Variants in SLCO1B1 observed in about 807,000 individuals in gnomAD.
SLCO1B1 encodes the protein solute carrier organic anion transporter family member 1B1.
Under a neutral mutation model 70.1 loss-of-function variants are expected in SLCO1B1, and 81 were observed. The observed-to-expected ratio is 1.16, with a 90% CI of 0.97 to 1.39. The LOEUF is 1.39. Ranked by LOEUF, SLCO1B1 falls within the 40% of genes most tolerant of loss-of-function variation. The pLI is 0.00. For missense variants in SLCO1B1, 895 were observed against 799.6 expected (o/e 1.12, Z -1.44); for synonymous variants, 283 against 271.5 (o/e 1.04, Z -0.42).
chr12:21,190,364 T>C (rs1280945684), intron 7 of SLCO1B1, among the ~76,000 whole-genome samples: 1 of 152,132 alleles, frequency 6.6e-6, no homozygotes, highest in African/African-American at 2.4e-5. Flanking sequence ...TACTCACTCT[T>C]TGGCAGTCCC....
At chr12:21,168,289 CTTTA>C (rs908735424) in intron 2 of SLCO1B1, among the ~76,000 whole-genome samples, 2 of 152,050 alleles carry the variant, frequency 1.3e-5, no homozygotes, top group African/African-American at 4.8e-5. Flanking sequence ...ACCACATTTT[CTTTA>C]TTCATTCATC....
chr12:21,202,749 T>C lies in SLCO1B1; in HGVS notation c.1331+63T>C. 3.9e-6 allele frequency: 5 copies of C among 1,281,732 alleles called. No individual in the cohort carries two copies. The South Asian group carries it at 5.1e-5, about 13-fold the overall frequency. The allele number at this position is 1,281,732 out of a possible 1,614,324, so 79.4% of individuals were successfully genotyped here. A position where few individuals can be genotyped will look rare whatever the true frequency, so the allele number is the denominator to read the frequency against. On this transcript the variant is annotated intron_variant, in intron 10 of 14. Coordinates refer to ENST00000256958, the MANE Select transcript of SLCO1B1 (RefSeq NM_006446.5). ...AACCATCAAATTAAGAGTCTCTGTA[T>C]AAGTAATATAAGGCAGAAAACAATT... is the stretch of plus-strand genomic sequence containing the variant.
chr12:21,207,597 A>G (rs1416405087), intron 11 of SLCO1B1, among the ~76,000 whole-genome samples: 1 of 152,030 alleles, frequency 6.6e-6, no homozygotes, highest in South Asian at 2.1e-4. Context: ...TGTGATGACC[A>G]TAGAAGTATA....
At chr12:21,158,616 C>A (rs1457134080) in intron 2 of SLCO1B1, among the ~76,000 whole-genome samples, 1 of 152,048 alleles carries the variant, frequency 6.6e-6, no homozygotes, top group Non-Finnish European at 1.5e-5. Context: ...ATCGCTTGAA[C>A]CCAGGAGGCA....
At chr12:21,138,222 A>G (rs1023263290) in intron 1 of SLCO1B1, among the ~76,000 whole-genome samples, 1 of 152,142 alleles carries the variant, frequency 6.6e-6, no homozygotes, top group African/African-American at 2.4e-5. Context: ...CCGGTTTTCT[A>G]TAACCTATTA....
chr12:21,165,516 G>A (rs1054940866), intron 2 of SLCO1B1, among the ~76,000 whole-genome samples: 7 of 151,962 alleles, frequency 4.6e-5, no homozygotes, highest in Non-Finnish European at 8.8e-5. Context: ...AGGTCAAAGG[G>A]ATAAAAAAAT....
intron 11 of SLCO1B1, among the ~76,000 whole-genome samples, chr12:21,215,088 A>G (rs1177954088): frequency 6.6e-6 from 1 of 152,094 alleles, no homozygotes; most frequent in Non-Finnish European, 1.5e-5. Flanking sequence ...TGGCTCCTCC[A>G]ACCAGGGTTT....
intron 1 of SLCO1B1, among the ~76,000 whole-genome samples, chr12:21,137,424 C>G (rs1485547499): frequency 6.6e-6 from 1 of 152,176 alleles, no homozygotes; most frequent in African/African-American, 2.4e-5. Context: ...TGCCCTGCCC[C>G]CAGAGATGGA....
chr12:21,165,638 T>C (rs1264851221), intron 2 of SLCO1B1, among the ~76,000 whole-genome samples: 1 of 151,964 alleles, frequency 6.6e-6, no homozygotes, highest in Admixed American at 6.6e-5. Context: ...TATTTGGGAG[T>C]CTTTGGGAGC....
chr12:21,190,250 G>A (rs1051727337), intron 7 of SLCO1B1, among the ~76,000 whole-genome samples: 4 of 152,206 alleles, frequency 2.6e-5, no homozygotes, highest in African/African-American at 7.2e-5. Flanking sequence ...TTCCCAGTAA[G>A]GGGGAACAAT....
intron 8 of SLCO1B1, among the ~76,000 whole-genome samples, chr12:21,199,341 A>G (rs1040433791): frequency 2.0e-5 from 3 of 152,180 alleles, no homozygotes; most frequent in African/African-American, 7.2e-5. Flanking sequence ...TTTAAGTCCT[A>G]TTACAGCTAG....
chr12:21,214,942 C>T (rs907548708), intron 11 of SLCO1B1, among the ~76,000 whole-genome samples: 2 of 151,980 alleles, frequency 1.3e-5, no homozygotes, highest in Non-Finnish European at 2.9e-5. Flanking sequence ...TGCGCGCACC[C>T]ACTGACCTGC....
rs112491583 is a variant in SLCO1B1, at chr12:21,228,353, G to C, written c.1865+3514G>C. 3.5e-3 allele frequency among the ~76,000 whole-genome samples: 536 copies of C among 152,234 alleles called. 6 individuals are homozygous for C. The highest frequency in any genetic ancestry group is 0.012 in the African/African-American group (492 of 41,530). The stretch of plus-strand genomic sequence containing the variant: ...AATTGACAACTATTTTCTCTTGTCA[G>C]ATTGAAGATATTACTCTATTGTCTT... On this transcript the variant is annotated intron_variant, in intron 14 of 14. Transcript: ENST00000256958.
At chr12:21,212,029 T>G (rs1460313983) in intron 11 of SLCO1B1, among the ~76,000 whole-genome samples, 4 of 149,848 alleles carry the variant, frequency 2.7e-5, no homozygotes, top group Non-Finnish European at 5.9e-5. Context: ...GATTCACTAA[T>G]TTTTTGAAGG....
chr12:21,207,132 A>T (rs2121157733), intron 11 of SLCO1B1, among the ~76,000 whole-genome samples: 1 of 152,084 alleles, frequency 6.6e-6, no homozygotes, highest in East Asian at 1.9e-4. Flanking sequence ...CTGTTTTTTA[A>T]AAAAATAATT....
chr12:21,178,916 T>C lies in SLCO1B1; in HGVS notation c.629-6T>C, dbSNP rs1287903555. On this transcript the variant is annotated splice_region_variant and splice_polypyrimidine_tract_variant and intron_variant, in intron 6 of 14. Coordinates refer to ENST00000256958, the MANE Select transcript of SLCO1B1 (RefSeq NM_006446.5). ...ATCTAGTAAAATTGCTTTATAATAT[T>C]TTCAGGTATATTGAATGCAATAGCA... 6.3e-7 allele frequency: 1 copy of C among 1,596,246 alleles called. No individual in the cohort carries two copies. The highest frequency in any genetic ancestry group is 1.7e-5 in the Admixed American group (1 of 59,960).
intron 1 of SLCO1B1, among the ~76,000 whole-genome samples, chr12:21,132,522 G>T (rs537073698): frequency 6.6e-6 from 1 of 152,046 alleles, no homozygotes; most frequent in African/African-American, 2.4e-5. Context: ...TTTAATGATC[G>T]CTATTCTAAC....
At chr12:21,164,713 C>A (rs1369028203) in intron 2 of SLCO1B1, 1 of 434,620 alleles carries the variant, frequency 2.3e-6, no homozygotes, top group East Asian at 7.0e-5. Flanking sequence ...TCATGTGCTT[C>A]CTATTTTGTT....
intron 6 of SLCO1B1, 84 bp from the exon 7 acceptor site, chr12:21,178,838 T>G: frequency 7.5e-7 from 1 of 1,336,508 alleles, no homozygotes; most frequent in South Asian, 1.2e-5. Flanking sequence ...GGTATATGTA[T>G]TGTATCATAT....
Sources: gnomAD v4.1 joint callset for allele counts (sites outside exome capture counted in the v4.1 genomes callset) on GRCh38, gnomAD v4.1.1 for gene constraint, MANE v1.5 for transcripts, NCBI Gene and HGNC (gene_info 2026-07-23, HGNC 2026-07-21) for gene names.